ELOVL5: variants seen among roughly 807,000 people sequenced by gnomAD.
ELOVL5 encodes the protein very long chain fatty acid elongase 5.
A neutral mutation model predicts 38.6 loss-of-function variants in ELOVL5; 8 were observed. The observed-to-expected ratio is 0.21, with a 90% CI of 0.12 to 0.37. ELOVL5 has a LOEUF of 0.37. Ranked by LOEUF, ELOVL5 falls within the 10% of genes least tolerant of loss-of-function variation. ELOVL5 has a pLI of 1.00. For synonymous variants in ELOVL5, 127 were observed against 133.7 expected (o/e 0.95, Z 0.34); for missense variants, 280 against 367.8 (o/e 0.76, Z 1.95).
At chr6:53,324,417 T>C (rs1442343538) in intron 1 of ELOVL5, among the ~76,000 whole-genome samples, 1 of 152,046 alleles carries the variant, frequency 6.6e-6, no homozygotes, top group South Asian at 2.1e-4. Flanking sequence ...GGCTCACAGC[T>C]GTAATCCCAA....
Position 53,275,179 on chromosome 6 carries a change from T to C in ELOVL5, c.407A>G (p.Asn136Ser), listed in dbSNP as rs1766064794. 1.9e-6 allele frequency: 3 copies of C among 1,614,112 alleles called. No homozygotes were observed. Among genetic ancestry groups the C allele is most frequent in the African/African-American group, 1.3e-5 (1 of 75,020 alleles). The stretch of plus-strand genomic sequence containing the variant: ...GACGTGCAGGACCGTGATCTGGTGG[T>C]TGTTCTTGCGCAGGATGAAGAAGAA... ...DTFFFILRKN[N>S]HQITVLHVYH... Residue 136 changes from asparagine to serine, a missense_variant, in exon 5 of 8, where the codon AAC becomes AGC. Asn to Ser is a conservative substitution (Grantham distance 46, BLOSUM62 1). Transcript: ENST00000304434.
chr6:53,294,094 C>T (rs1766882906), intron 2 of ELOVL5: 1 of 1,374,422 alleles, frequency 7.3e-7, no homozygotes, highest in Non-Finnish European at 9.4e-7. Flanking sequence ...CCTATTTTAA[C>T]TTAAACCTCT....
At chr6:53,277,694 T>C (rs898331138) in intron 3 of ELOVL5, 4 of 152,236 alleles carry the variant, frequency 2.6e-5, no homozygotes, top group African/African-American at 9.6e-5. Context: ...TCTACTACTC[T>C]CTAAAGTCAT....
In ELOVL5 at chr6:53,314,266, C is replaced by A. The variant is rs186856184; in HGVS notation, c.-8-18559G>T. Among the ~76,000 whole-genome samples, 257 of 152,300 alleles carry A rather than the reference C, an allele frequency of 1.7e-3. 2 individuals carry two copies. Among genetic ancestry groups the A allele is most frequent in the African/African-American group, 5.9e-3 (247 of 41,564 alleles). Reference sequence around the variant, plus strand: ...ATTCTCTGCAAGTACCAAAATTCAACTCTAGGCTGTCATAGAGCCATTTAG... The same window carrying A: ...ATTCTCTGCAAGTACCAAAATTCAAATCTAGGCTGTCATAGAGCCATTTAG... On this transcript the variant is annotated intron_variant, in intron 1 of 7. Coordinates refer to ENST00000304434, the MANE Select transcript of ELOVL5 (RefSeq NM_021814.5).
chr6:53,301,794 C>T (rs1195164754), intron 1 of ELOVL5, among the ~76,000 whole-genome samples: 1 of 152,120 alleles, frequency 6.6e-6, no homozygotes, highest in African/African-American at 2.4e-5. Context: ...TTTAAAAAGC[C>T]GCTTCCCATT....
intron 3 of ELOVL5, among the ~76,000 whole-genome samples, chr6:53,285,307 C>T (rs529669692): frequency 4.3e-4 from 66 of 152,312 alleles, no homozygotes; most frequent in South Asian, 1.9e-3. Flanking sequence ...AAGATCAAAC[C>T]AGCCATAACA....
At chr6:53,321,620 A>C (rs2127587507) in intron 1 of ELOVL5, among the ~76,000 whole-genome samples, 1 of 152,314 alleles carries the variant, frequency 6.6e-6, no homozygotes. Context: ...TCCCACTTGC[A>C]AGGTCTATGT....
chr6:53,340,528 A>C (rs1769281441), intron 1 of ELOVL5, among the ~76,000 whole-genome samples: 1 of 152,202 alleles, frequency 6.6e-6, no homozygotes, highest in African/African-American at 2.4e-5. Context: ...TGCAAGCTCC[A>C]TTCATGGCAA....
At chr6:53,270,975 G>A (rs970912075) in intron 6 of ELOVL5, among the ~76,000 whole-genome samples, 1 of 152,150 alleles carries the variant, frequency 6.6e-6, no homozygotes, top group Non-Finnish European at 1.5e-5. Context: ...CAAATTTCAA[G>A]GATACACTAT....
intron 1 of ELOVL5, among the ~76,000 whole-genome samples, chr6:53,308,702 T>G (rs1767702402): frequency 1.3e-5 from 2 of 152,110 alleles, no homozygotes; most frequent in Non-Finnish European, 2.9e-5. Context: ...TTTTGGACTC[T>G]TACTAAAATC....
At chr6:53,304,741 G>C (rs1023223830) in intron 1 of ELOVL5, among the ~76,000 whole-genome samples, 1 of 152,146 alleles carries the variant, frequency 6.6e-6, no homozygotes, top group Non-Finnish European at 1.5e-5. Context: ...ACAGGGTTGG[G>C]GGTAAGGTCA....
chr6:53,273,455 T>G, intron 5 of ELOVL5, 111 bp from the exon 6 acceptor site: 1 of 1,004,032 alleles, frequency 1.0e-6, no homozygotes, highest in African/African-American at 1.6e-5. Flanking sequence ...GAGAGATGAC[T>G]TCCAACGGAG....
At chr6:53,297,441 G>A (rs563745358) in intron 1 of ELOVL5, among the ~76,000 whole-genome samples, 2 of 152,070 alleles carry the variant, frequency 1.3e-5, no homozygotes, top group East Asian at 1.9e-4. Context: ...AAAATCTCCC[G>A]CAGTCCCACT....
chr6:53,291,071 CCT>C (rs1561870110), intron 3 of ELOVL5, among the ~76,000 whole-genome samples: 1 of 152,124 alleles, frequency 6.6e-6, no homozygotes, highest in Non-Finnish European at 1.5e-5. Context: ...CTTTCCTCCC[CCT>C]TTTAGCTTTA....
At position 53,341,278 on chromosome 6, in the gene ELOVL5, G is replaced by C. The variant is rs77700813; in HGVS notation, c.-9+7539C>G. Among the ~76,000 whole-genome samples, 483 of 152,296 alleles carry C rather than the reference G, an allele frequency of 3.2e-3. 2 individuals carry two copies. The highest frequency in any genetic ancestry group is 0.011 in the African/African-American group (458 of 41,560). On this transcript the variant is annotated intron_variant, in intron 1 of 7. Coordinates refer to ENST00000304434, the MANE Select transcript of ELOVL5 (RefSeq NM_021814.5). ...AACCTTTATTTAGTTACTGTCAACA[G>C]AAGCTATATGTTGATTATACCGTCA...
At chr6:53,271,609 C>T (rs188768162) in intron 6 of ELOVL5, among the ~76,000 whole-genome samples, 29 of 152,218 alleles carry the variant, frequency 1.9e-4, no homozygotes, top group African/African-American at 5.8e-4. Context: ...TCTAGCAGCT[C>T]CAATGTTTCT....
intron 1 of ELOVL5, among the ~76,000 whole-genome samples, chr6:53,323,463 A>T (rs940057128): frequency 6.6e-6 from 1 of 152,196 alleles, no homozygotes; most frequent in Non-Finnish European, 1.5e-5. Flanking sequence ...CCTAGACATG[A>T]CATAAAAGCA....
At chr6:53,334,364 G>A (rs1380108722) in intron 1 of ELOVL5, among the ~76,000 whole-genome samples, 1 of 152,094 alleles carries the variant, frequency 6.6e-6, no homozygotes. Flanking sequence ...CTGCAGCACA[G>A]GGTAAAATAT....
intron 1 of ELOVL5, among the ~76,000 whole-genome samples, chr6:53,317,956 A>C (rs1300251261): frequency 6.6e-6 from 1 of 152,142 alleles, no homozygotes; most frequent in Non-Finnish European, 1.5e-5. Context: ...AATAGCAACT[A>C]ATACTCACTC....
Sources: gnomAD v4.1 joint callset for allele counts (sites outside exome capture counted in the v4.1 genomes callset) on GRCh38, gnomAD v4.1.1 for gene constraint, MANE v1.5 for transcripts, NCBI Gene and HGNC (gene_info 2026-07-23, HGNC 2026-07-21) for gene names.